RP1L1: variants seen among roughly 807,000 people sequenced by gnomAD.
The protein encoded by RP1L1 is retinitis pigmentosa 1-like 1 protein.
Under a neutral mutation model 15.7 loss-of-function variants are expected in RP1L1, and 27 were observed. That is an observed-to-expected ratio of 1.72 (90% CI 1.27 to 2.38). The LOEUF (loss-of-function observed/expected upper bound fraction) is 2.38, where lower values mean the gene tolerates loss of function less well. Ranked by LOEUF, RP1L1 falls within the 30% of genes most tolerant of loss-of-function variation. The probability of loss-of-function intolerance (pLI) is 0.00; values close to 1 mark genes in which losing one functional copy is unlikely to be tolerated. For synonymous variants in RP1L1, 1,813 were observed against 1,276.7 expected (o/e 1.42, Z -8.96); for missense variants, 4,798 against 3,075.9 (o/e 1.56, Z -13.24).
intron 1 of RP1L1, among the ~76,000 whole-genome samples, chr8:10,623,683 C>T (rs1186218835): frequency 2.0e-5 from 3 of 151,482 alleles, no homozygotes; most frequent in Non-Finnish European, 4.4e-5. Flanking sequence ...ATCTGTAGCA[C>T]CTCCATGTTC....
At position 10,606,803 on chromosome 8, in the gene RP1L1, T is replaced by G; in HGVS notation, c.*92A>C. 2 of 1,593,036 alleles carry G rather than the reference T, an allele frequency of 1.3e-6. No individual in the cohort carries two copies. Among genetic ancestry groups the G allele is most frequent in the South Asian group, 2.2e-5 (2 of 88,924 alleles). On this transcript the variant is annotated 3_prime_UTR_variant, in exon 4 of 4. Coordinates refer to ENST00000382483, the MANE Select transcript of RP1L1 (RefSeq NM_178857.6). ...TCTTTGTCCATGTACTATGGACATCTCCAGTGGACTGAACGTTGCTCAGTT... is the reference window on the plus strand; with the variant it reads ...TCTTTGTCCATGTACTATGGACATCGCCAGTGGACTGAACGTTGCTCAGTT...
chr8:10,612,334 G>C lies in RP1L1; in HGVS notation c.1764C>G (p.Asp588Glu), dbSNP rs746610405. 1.9e-6 allele frequency: 3 copies of C among 1,613,200 alleles called. No homozygotes were observed. The highest frequency in any genetic ancestry group is 2.5e-6 in the Non-Finnish European group (3 of 1,180,020). ...ALSLSSLRSD[D>E]LQAETQGQGT... ...CCTGTCCTTGCGTCTCTGCCTGCAG[G>C]TCGTCACTCCTTAAAGATGAAAGAC... Residue 588 changes from aspartate to glutamate, a missense_variant, in exon 4 of 4, where the codon GAC becomes GAG. Coordinates refer to ENST00000382483, the MANE Select transcript of RP1L1 (RefSeq NM_178857.6).
At chr8:10,622,348 A>T (rs1208243625) in intron 2 of RP1L1, among the ~76,000 whole-genome samples, 1 of 152,012 alleles carries the variant, frequency 6.6e-6, no homozygotes, top group Non-Finnish European at 1.5e-5. Flanking sequence ...AAAAAAAAAA[A>T]AAAAGAGTAC....
At chr8:10,641,659 T>C (rs1798409840) in intron 1 of RP1L1, among the ~76,000 whole-genome samples, 1 of 152,242 alleles carries the variant, frequency 6.6e-6, no homozygotes, top group South Asian at 2.1e-4. Context: ...CTTGCAATCT[T>C]GGACATTTAT....
At chr8:10,629,899 C>T (rs527968059) in intron 1 of RP1L1, among the ~76,000 whole-genome samples, 1 of 152,286 alleles carries the variant, frequency 6.6e-6, no homozygotes, top group South Asian at 2.1e-4. Flanking sequence ...TCTGTGCTCA[C>T]CAAGACCACT....
At chr8:10,638,932 G>C in intron 1 of RP1L1, among the ~76,000 whole-genome samples, 1 of 151,974 alleles carries the variant, frequency 6.6e-6, no homozygotes, top group East Asian at 1.9e-4. Flanking sequence ...ATCACTTGAG[G>C]CCATGAGTTC....
chr8:10,606,784 T>C lies in RP1L1; in HGVS notation c.*111A>G, dbSNP rs1797709417. The C allele has an allele frequency of 6.4e-7, 1 of 1,561,850 alleles. No homozygotes were observed. ...GTCCTTGGCAAGTCCTTGGTCTTTG[T>C]CCATGTACTATGGACATCTCCAGTG... is the stretch of plus-strand genomic sequence containing the variant. On this transcript the variant is annotated 3_prime_UTR_variant, in exon 4 of 4. Coordinates refer to ENST00000382483, the MANE Select transcript of RP1L1 (RefSeq NM_178857.6).
chr8:10,625,377 C>A (rs1259751102), intron 1 of RP1L1, among the ~76,000 whole-genome samples: 1 of 152,116 alleles, frequency 6.6e-6, no homozygotes, highest in Admixed American at 6.5e-5. Context: ...GGAACCTGGG[C>A]CTTCGGGATG....
intron 2 of RP1L1, among the ~76,000 whole-genome samples, chr8:10,618,706 G>C (rs142962896): frequency 1.1e-3 from 160 of 152,208 alleles, no homozygotes; most frequent in African/African-American, 3.7e-3. Flanking sequence ...ATTAATAATA[G>C]TAATTAATAA....
Position 10,607,021 on chromosome 8 carries a change from T to G in RP1L1, c.7077A>C (p.Ser2359=), listed in dbSNP as rs1797714573. ...TSEQEEAPLG[S]RTPEQGASEG... ...CACTGGCCCCCTGCTCTGGAGTCCT[T>G]GAGCCCAAAGGGGCCTCTTCTTGCT... Residue 2359 remains serine (S), a synonymous_variant, in exon 4 of 4, where the codon TCA becomes TCC. Transcript: ENST00000382483. 6.2e-7 allele frequency: 1 copy of G among 1,614,238 alleles called. No individual in the cohort carries two copies. Among genetic ancestry groups the G allele is most frequent in the Non-Finnish European group, 8.5e-7 (1 of 1,180,046 alleles).
chr8:10,644,412 T>G (rs1798447634), intron 1 of RP1L1, among the ~76,000 whole-genome samples: 1 of 152,212 alleles, frequency 6.6e-6, no homozygotes. Context: ...TGGGCTGGGC[T>G]GGTCTATCCA....
intron 2 of RP1L1, among the ~76,000 whole-genome samples, chr8:10,617,546 C>CTT (rs777209714): frequency 1.4e-4 from 9 of 63,416 alleles, no homozygotes; most frequent in African/African-American, 2.5e-4. Flanking sequence ...GTTTCTTTTT[C>CTT]TTTTTTTTTT....
At chr8:10,642,431 C>T (rs1392735926) in intron 1 of RP1L1, among the ~76,000 whole-genome samples, 1 of 152,176 alleles carries the variant, frequency 6.6e-6, no homozygotes, top group African/African-American at 2.4e-5. Flanking sequence ...CCCCCTTGCT[C>T]CTTGCTTCTT....
chr8:10,608,759 T>A lies in RP1L1; in HGVS notation c.5339A>T (p.Glu1780Val). The A allele has an allele frequency of 6.2e-7, 1 of 1,614,218 alleles. No individual in the cohort carries two copies. The highest frequency in any genetic ancestry group is 8.5e-7 in the Non-Finnish European group (1 of 1,180,038). The change falls in exon 4 of 4, where the codon GAA (glutamate) becomes GTA (valine). Residue 1780 changes from glutamate to valine, a missense_variant. Physicochemically the swap from Glu to Val is moderately radical, Grantham distance 121. Coordinates refer to ENST00000382483, the MANE Select transcript of RP1L1 (RefSeq NM_178857.6). ...QEREGKTHNS[E>V]TSAGSELGEA... Reference sequence around the variant, plus strand: ...CCCCAACTCACTGCCCGCACTGGTTTCACTGTTGTGGGTTTTCCCTTCTCT... The same window carrying A: ...CCCCAACTCACTGCCCGCACTGGTTACACTGTTGTGGGTTTTCCCTTCTCT...
At position 10,616,461 on chromosome 8, in the gene RP1L1, A is replaced by T. The variant is rs771125956; in HGVS notation, c.736T>A (p.Ser246Thr). The change falls in exon 3 of 4, where the codon TCA (serine) becomes ACA (threonine). Residue 246 changes from serine to threonine, a missense_variant. Ser to Thr is a moderately conservative substitution (Grantham distance 58, BLOSUM62 1). Coordinates refer to ENST00000382483, the MANE Select transcript of RP1L1 (RefSeq NM_178857.6). Reference protein sequence around the residue: ...SEAETLSGLTSRNKNGSWGPK... With the variant: ...SEAETLSGLTTRNKNGSWGPK... ...ACCAACTCACCGTTTTTGTTTCTTG[A>T]AGTCAGCCCAGATAAAGTTTCAGCC... 6.2e-7 allele frequency: 1 copy of T among 1,614,210 alleles called. No individual in the cohort carries two copies. The highest frequency in any genetic ancestry group is 8.5e-7 in the Non-Finnish European group (1 of 1,180,026).
intron 1 of RP1L1, among the ~76,000 whole-genome samples, chr8:10,631,518 G>C (rs986897935): frequency 6.6e-6 from 1 of 152,174 alleles, no homozygotes; most frequent in Non-Finnish European, 1.5e-5. Context: ...GTGTATAGCA[G>C]GATTATATAT....
Position 10,609,723 on chromosome 8 carries a change from C to A in RP1L1, c.4375G>T (p.Glu1459Ter), listed in dbSNP as rs142510965. ...EPTEPPSHLSETDPSASERQS... is the reference protein window; with the variant it reads ...EPTEPPSHLS ...CTCTCGCTGGCACTTGGGTCCGTCT[C>A]GCTGAGATGACTAGGGGGCTCTGTG... Residue 1459 changes from glutamate (E) to a stop codon, truncating the protein, a stop_gained, in exon 4 of 4, where the codon GAG becomes TAG. Transcript: ENST00000382483. LOFTEE classifies it low-confidence loss of function (END_TRUNC). 1 of 1,613,334 alleles carries A rather than the reference C, an allele frequency of 6.2e-7. No homozygotes were observed. Among genetic ancestry groups the A allele is most frequent in the Non-Finnish European group, 8.5e-7 (1 of 1,179,694 alleles).
At position 10,611,737 on chromosome 8, in the gene RP1L1, A is replaced by G; in HGVS notation, c.2361T>C (p.Ser787=). The change falls in exon 4 of 4, where the codon TCT becomes TCC. Residue 787 remains serine (S), a synonymous_variant. Coordinates refer to ENST00000382483, the MANE Select transcript of RP1L1 (RefSeq NM_178857.6). ...PPHTSDSCSK[S]GAASLGEEAR... ...CCTCTTCCCCCAGGCTGGCAGCCCCAGATTTTGAGCAGGAGTCGGATGTGT... is the reference window on the plus strand; with the variant it reads ...CCTCTTCCCCCAGGCTGGCAGCCCCGGATTTTGAGCAGGAGTCGGATGTGT... 1 of 1,613,552 alleles carries G rather than the reference A, an allele frequency of 6.2e-7. No individual in the cohort carries two copies. The highest frequency in any genetic ancestry group is 8.5e-7 in the Non-Finnish European group (1 of 1,179,946).
chr8:10,645,816 T>C (rs1798468588), intron 1 of RP1L1, among the ~76,000 whole-genome samples: 2 of 152,294 alleles, frequency 1.3e-5, no homozygotes, highest in East Asian at 1.9e-4. Flanking sequence ...CGCTCACCTA[T>C]TGGCCACCAG....
Sources: allele counts gnomAD v4.1 joint callset (sites outside exome capture counted in the v4.1 genomes callset), GRCh38; gene constraint gnomAD v4.1.1; transcripts MANE v1.5; gene names NCBI Gene and HGNC (gene_info 2026-07-23, HGNC 2026-07-21).